FAM174B: variants seen among roughly 807,000 people sequenced by gnomAD.
FAM174B encodes the protein membrane protein FAM174B.
FAM174B carries 12 observed loss-of-function variants against 10.9 expected under a neutral mutation model. The observed-to-expected ratio is 1.10, with a 90% CI of 0.71 to 1.79. The LOEUF is 1.79. Ranked by LOEUF, FAM174B falls within the 40% of genes most tolerant of loss-of-function variation. The pLI, the probability that FAM174B is intolerant of heterozygous loss-of-function variation, is 0.00. For missense variants in FAM174B, 266 were observed against 233.3 expected, an observed-to-expected ratio of 1.14 and a Z score of -0.91; for synonymous variants, 132 against 115.8, an observed-to-expected ratio of 1.14 and a Z score of -0.90.
chr15:92,655,197 G>C (rs1381384133), intron 1 of FAM174B, 119 bp downstream of exon 1: 1 of 1,368,078 alleles, frequency 7.3e-7, no homozygotes. Flanking sequence ...GGAGGCACAC[G>C]GCTGGCTGGG....
At position 92,655,672 on chromosome 15, in the gene FAM174B, C is replaced by A. The variant is rs1031380148; in HGVS notation, c.-13G>T. On this transcript the variant is annotated 5_prime_UTR_variant, in exon 1 of 3. Coordinates refer to ENST00000327355, the MANE Select transcript of FAM174B (RefSeq NM_207446.3). ...GCACGGCGCGCATAGTGCGGTGGGT[C>A]GGCACAGGATCGGGCAGGGCGCGCG... 3 of 1,257,508 alleles carry A rather than the reference C, an allele frequency of 2.4e-6. No homozygotes were observed. Among genetic ancestry groups the A allele is most frequent in the Admixed American group, 3.8e-5 (1 of 26,172 alleles). 77.9% of individuals were successfully genotyped at this position (1,257,508 alleles called of 1,614,324 possible).
intron 2 of FAM174B, among the ~76,000 whole-genome samples, chr15:92,623,731 G>A (rs1052858277): frequency 7.2e-5 from 11 of 152,216 alleles, no homozygotes; most frequent in Non-Finnish European, 1.0e-4. Context: ...AGTGAACGAC[G>A]GAGAAGCCGG....
intron 1 of FAM174B, among the ~76,000 whole-genome samples, chr15:92,648,287 T>G (rs1035073142): frequency 6.6e-6 from 1 of 152,156 alleles, no homozygotes; most frequent in Non-Finnish European, 1.5e-5. Flanking sequence ...CTTTAAATAT[T>G]TGTAGAGTTT....
chr15:92,655,089 T>G, intron 1 of FAM174B: 1 of 421,732 alleles, frequency 2.4e-6, no homozygotes, highest in Non-Finnish European at 4.0e-6. Flanking sequence ...TTATTTTATA[T>G]ATATAGTTAA....
chr15:92,624,925 A>T (rs1164048212), intron 2 of FAM174B, among the ~76,000 whole-genome samples: 6 of 152,210 alleles, frequency 3.9e-5, no homozygotes. Context: ...TAGAGGGTGT[A>T]ACAAAGTCTT....
chr15:92,629,957 T>G (rs544093561), intron 2 of FAM174B, among the ~76,000 whole-genome samples: 6 of 152,318 alleles, frequency 3.9e-5, no homozygotes, highest in East Asian at 1.9e-4. Flanking sequence ...CCACCATGAT[T>G]GTGAGGCCTC....
chr15:92,630,121 A>G, intron 2 of FAM174B, 93 bp downstream of exon 2: 1 of 1,380,530 alleles, frequency 7.2e-7, no homozygotes, highest in Non-Finnish European at 1.0e-6. Flanking sequence ...ACTTCACTAA[A>G]AAACAAGAAC....
intron 1 of FAM174B, among the ~76,000 whole-genome samples, chr15:92,652,704 A>C (rs1234913495): frequency 6.6e-6 from 1 of 152,162 alleles, no homozygotes; most frequent in Non-Finnish European, 1.5e-5. Context: ...GCAGGTGGCG[A>C]AGCTTCACTG....
intron 1 of FAM174B, among the ~76,000 whole-genome samples, chr15:92,646,850 T>C (rs1278717688): frequency 5.9e-5 from 9 of 152,310 alleles, no homozygotes; most frequent in Admixed American, 4.6e-4. Context: ...CCCCTTCCAC[T>C]TATCCTGCCT....
intron 1 of FAM174B, among the ~76,000 whole-genome samples, chr15:92,652,893 G>A (rs2050976118): frequency 6.6e-6 from 1 of 152,138 alleles, no homozygotes; most frequent in Non-Finnish European, 1.5e-5. Context: ...CGTGGGACAG[G>A]GGAAAGGCCA....
At chr15:92,643,141 T>A (rs1041521833) in intron 1 of FAM174B, among the ~76,000 whole-genome samples, 1,189 of 108,786 alleles carry the variant, frequency 0.011, 48 homozygotes, top group Admixed American at 0.084. Context: ...TATTTGTTTT[T>A]TTTTTTTAAG....
chr15:92,636,886 T>C (rs1293679257), intron 1 of FAM174B, among the ~76,000 whole-genome samples: 2 of 152,208 alleles, frequency 1.3e-5, no homozygotes, highest in East Asian at 3.8e-4. Context: ...CTCATCACAC[T>C]CTGGAATGTG....
At chr15:92,645,788 G>C (rs2050922892) in intron 1 of FAM174B, among the ~76,000 whole-genome samples, 1 of 152,054 alleles carries the variant, frequency 6.6e-6, no homozygotes, top group Admixed American at 6.5e-5. Flanking sequence ...GTGCTTTGGG[G>C]CACATGTCGT....
At chr15:92,654,894 G>C (rs188543334) in intron 1 of FAM174B, among the ~76,000 whole-genome samples, 1 of 152,122 alleles carries the variant, frequency 6.6e-6, no homozygotes, top group Admixed American at 6.5e-5. Flanking sequence ...AGTTAGACAG[G>C]CCTGGGTTCA....
intron 1 of FAM174B, among the ~76,000 whole-genome samples, chr15:92,631,905 C>T (rs113353307): frequency 0.016 from 2,473 of 152,216 alleles, 19 homozygotes; most frequent in Non-Finnish European, 0.025. Context: ...TTGAGGGCGC[C>T]GCCCTATAGG....
intron 1 of FAM174B, among the ~76,000 whole-genome samples, chr15:92,639,752 C>T (rs2050878404): frequency 6.6e-6 from 1 of 152,000 alleles, no homozygotes; most frequent in Non-Finnish European, 1.5e-5. Flanking sequence ...TGGGTGATAC[C>T]TCCCGCCTTG....
At chr15:92,645,298 G>T (rs2050919008) in intron 1 of FAM174B, among the ~76,000 whole-genome samples, 1 of 152,216 alleles carries the variant, frequency 6.6e-6, no homozygotes, top group Admixed American at 6.5e-5. Flanking sequence ...ACTGTTGGTT[G>T]ACCCCAGGAT....
intron 1 of FAM174B, among the ~76,000 whole-genome samples, chr15:92,643,855 G>C (rs1004299656): frequency 2.6e-5 from 4 of 152,162 alleles, no homozygotes; most frequent in Non-Finnish European, 5.9e-5. Flanking sequence ...ACTTGTCAAT[G>C]AACAGCACAC....
chr15:92,625,364 T>C (rs1208932155), intron 2 of FAM174B, among the ~76,000 whole-genome samples: 1 of 152,174 alleles, frequency 6.6e-6, no homozygotes, highest in Non-Finnish European at 1.5e-5. Context: ...GCCAAAAACA[T>C]GATTTTCCTC....
Sources: gnomAD v4.1 joint callset for allele counts (sites outside exome capture counted in the v4.1 genomes callset) on GRCh38, gnomAD v4.1.1 for gene constraint, MANE v1.5 for transcripts, NCBI Gene and HGNC (gene_info 2026-07-23, HGNC 2026-07-21) for gene names.